The following MLLT3 variants were observed in gnomAD, a reference collection of about 807,000 sequenced individuals.
MLLT3 encodes protein AF-9.
A neutral mutation model predicts 53.2 loss-of-function variants in MLLT3; 4 were observed. The observed-to-expected ratio is 0.08, with a 90% CI of 0.04 to 0.17. MLLT3 has a LOEUF of 0.17. Ranked by LOEUF, MLLT3 falls within the 10% of genes least tolerant of loss-of-function variation. The probability of loss-of-function intolerance (pLI) is 1.00; values close to 1 mark genes in which losing one functional copy is unlikely to be tolerated. For missense variants in MLLT3, 569 were observed against 684.0 expected, an observed-to-expected ratio of 0.83 and a Z score of 1.87; for synonymous variants, 283 against 230.6, an observed-to-expected ratio of 1.23 and a Z score of -2.06.
chr9:20,517,493 A>C (rs1817945326), intron 2 of MLLT3, among the ~76,000 whole-genome samples: 1 of 151,904 alleles, frequency 6.6e-6, no homozygotes, highest in South Asian at 2.1e-4. Flanking sequence ...ACCCAAGATA[A>C]GGGCAGTGAA....
chr9:20,369,442 T>C (rs1003773871), intron 5 of MLLT3, among the ~76,000 whole-genome samples: 2 of 152,030 alleles, frequency 1.3e-5, no homozygotes, highest in Admixed American at 6.6e-5. Context: ...TAGAAAAAAA[T>C]TGACTTATCC....
chr9:20,346,628 CAA>C, intron 10 of MLLT3, 54 bp from the exon 11 acceptor site: 1 of 1,568,928 alleles, frequency 6.4e-7, no homozygotes, highest in African/African-American at 1.4e-5. Context: ...CATCAAAAGG[CAA>C]AGAGAGAGTA....
chr9:20,448,971 C>A lies in MLLT3; in HGVS notation c.277-705G>T, dbSNP rs1398314175. On this transcript the variant is annotated intron_variant, in intron 3 of 10. Coordinates refer to ENST00000380338, the MANE Select transcript of MLLT3 (RefSeq NM_004529.4). The surrounding 1 kb of genome is among the most constrained non-coding windows in gnomAD (Gnocchi z 4.0). ...CCAGTACCTACTGTGTTCTAGGTTA[C>A]CTCTGGTTTCATTCTTGCTTTGCAT... is the stretch of plus-strand genomic sequence containing the variant. Among the ~76,000 whole-genome samples, 1 of 152,106 alleles carries A rather than the reference C, an allele frequency of 6.6e-6. No individual in the cohort carries two copies. Among genetic ancestry groups the A allele is most frequent in the Non-Finnish European group, 1.5e-5 (1 of 68,008 alleles).
At chr9:20,603,938 G>C (rs75483395) in intron 2 of MLLT3, among the ~76,000 whole-genome samples, 2 of 152,138 alleles carry the variant, frequency 1.3e-5, no homozygotes, top group East Asian at 3.9e-4. Flanking sequence ...TGCCTCAATA[G>C]TTTTCATGTG....
chr9:20,526,006 A>G (rs1395065510), intron 2 of MLLT3, among the ~76,000 whole-genome samples: 4 of 152,210 alleles, frequency 2.6e-5, no homozygotes, highest in African/African-American at 9.6e-5. Flanking sequence ...GGTGGTGGGA[A>G]GCATTGCTTT....
chr9:20,480,728 C>G (rs141887109), intron 2 of MLLT3, among the ~76,000 whole-genome samples: 2 of 152,094 alleles, frequency 1.3e-5, no homozygotes, highest in African/African-American at 2.4e-5. Context: ...ACTGACTCAC[C>G]GAACAAACCT....
intron 2 of MLLT3, among the ~76,000 whole-genome samples, chr9:20,497,976 C>G (rs1466268331): frequency 6.6e-6 from 1 of 151,952 alleles, no homozygotes; most frequent in African/African-American, 2.4e-5. Context: ...AATGCCAACA[C>G]TTTGGGACAG....
At chr9:20,582,875 G>A (rs1587096468) in intron 2 of MLLT3, among the ~76,000 whole-genome samples, 1 of 152,026 alleles carries the variant, frequency 6.6e-6, no homozygotes, top group South Asian at 2.1e-4. Context: ...ATTTGGGTGG[G>A]GGCACAGTCA....
At chr9:20,490,400 G>A (rs557916704) in intron 2 of MLLT3, among the ~76,000 whole-genome samples, 5 of 152,218 alleles carry the variant, frequency 3.3e-5, no homozygotes, top group East Asian at 1.9e-4. Flanking sequence ...AATTTGTCAC[G>A]CCATTGCTGG....
At position 20,354,770 on chromosome 9, in the gene MLLT3, AG is replaced by A. The variant is rs746625432; in HGVS notation, c.1503+37del. Reference sequence around the variant, plus strand: ...AACACAAAGAAACGGAAGGCTTGTCAGTGTTGGAGCCCTCCTAGTAACAGAC... The same window carrying A: ...AACACAAAGAAACGGAAGGCTTGTCATGTTGGAGCCCTCCTAGTAACAGAC... On this transcript the variant is annotated intron_variant, in intron 9 of 10. Transcript: ENST00000380338. 5.4e-5 allele frequency: 71 copies of A among 1,306,602 alleles called. No individual in the cohort carries two copies. The African/African-American group carries it at 9.2e-4, about 17-fold the overall frequency. 80.9% of individuals were successfully genotyped at this position (1,306,602 alleles called of 1,614,324 possible).
chr9:20,586,827 G>C (rs1819978145), intron 2 of MLLT3, among the ~76,000 whole-genome samples: 1 of 151,750 alleles, frequency 6.6e-6, no homozygotes, highest in South Asian at 2.1e-4. Flanking sequence ...GTTGGGAGGA[G>C]AAAAAAGAGC....
At position 20,621,902 on chromosome 9, in the gene MLLT3, C is replaced by CGT. The variant is rs142328824; in HGVS notation, c.12+341_12+342dup. The stretch of plus-strand genomic sequence containing the variant: ...TGAGTTATTATTCGCCTCCTTCCAC[C>CGT]GTGTGTGTGTGTGTGTGTGAGTGCG... On this transcript the variant is annotated intron_variant, in intron 1 of 10. Transcript: ENST00000380338. The surrounding 1 kb of genome is among the most constrained non-coding windows in gnomAD (Gnocchi z 7.0). The CGT allele has an allele frequency of 0.019, 21,756 of 1,172,276 alleles. 92 individuals are homozygous for CGT. Among genetic ancestry groups the CGT allele is most frequent in the African/African-American group, 0.068 (4,174 of 61,396 alleles). 72.6% of individuals were successfully genotyped at this position (1,172,276 alleles called of 1,614,324 possible).
intron 5 of MLLT3, among the ~76,000 whole-genome samples, chr9:20,368,452 G>A (rs1020101376): frequency 6.6e-6 from 1 of 152,144 alleles, no homozygotes; most frequent in Non-Finnish European, 1.5e-5. Flanking sequence ...CATCTTGCCT[G>A]GCCAGTTCAC....
At chr9:20,514,533 G>A (rs770411915) in intron 2 of MLLT3, among the ~76,000 whole-genome samples, 7 of 151,380 alleles carry the variant, frequency 4.6e-5, no homozygotes, top group African/African-American at 9.7e-5. Context: ...TTTTGGTGGT[G>A]GAGATTTAAG....
At chr9:20,404,948 C>T (rs565311809) in intron 5 of MLLT3, among the ~76,000 whole-genome samples, 7 of 152,204 alleles carry the variant, frequency 4.6e-5, no homozygotes, top group Admixed American at 3.3e-4. Flanking sequence ...TCCTCAGATC[C>T]TCCATGAGCG....
At chr9:20,386,087 A>T (rs1227565429) in intron 5 of MLLT3, among the ~76,000 whole-genome samples, 2 of 152,198 alleles carry the variant, frequency 1.3e-5, no homozygotes, top group Non-Finnish European at 2.9e-5. Flanking sequence ...TCTGTATTTC[A>T]TATACAGAAC....
intron 2 of MLLT3, among the ~76,000 whole-genome samples, chr9:20,555,647 C>T (rs1248044673): frequency 5.9e-5 from 9 of 152,138 alleles, no homozygotes; most frequent in African/African-American, 1.2e-4. Context: ...CCTTCTCTTT[C>T]CTAACTGCCT....
chr9:20,522,010 T>G (rs1202138849), intron 2 of MLLT3, among the ~76,000 whole-genome samples: 1 of 149,668 alleles, frequency 6.7e-6, no homozygotes, highest in Non-Finnish European at 1.5e-5. Context: ...TGTCACAGTT[T>G]TTTTTTTTTT....
Position 20,342,436 on chromosome 9 carries a change from T to A in MLLT3, c.*4007A>T, listed in dbSNP as rs891914648. ...ATTGGCCTTGCACTGTTAATCTCAA[T>A]AATACATTTTCACTTAATTTATTTT... On this transcript the variant is annotated 3_prime_UTR_variant, in exon 11 of 11. Coordinates refer to ENST00000380338, the MANE Select transcript of MLLT3 (RefSeq NM_004529.4). The A allele has an allele frequency of 4.5e-6, 1 of 222,288 alleles. No homozygotes were observed. Among genetic ancestry groups the A allele is most frequent in the Admixed American group, 5.7e-5 (1 of 17,418 alleles). 13.8% of individuals were successfully genotyped at this position (222,288 alleles called of 1,614,324 possible).
Sources: allele counts gnomAD v4.1 joint callset (sites outside exome capture counted in the v4.1 genomes callset), GRCh38; gene constraint gnomAD v4.1.1; non-coding constraint Gnocchi (gnomAD v3.1); transcripts MANE v1.5; gene names NCBI Gene and HGNC (gene_info 2026-07-23, HGNC 2026-07-21).